Variants in RALGPS1 observed in about 807,000 individuals in gnomAD.
RALGPS1 encodes ras-specific guanine nucleotide-releasing factor RalGPS1.
Under a neutral mutation model 78.8 loss-of-function variants are expected in RALGPS1, and 19 were observed. The ratio of observed to expected loss-of-function variants is 0.24; its 90% CI spans 0.17 to 0.35. The LOEUF is 0.35. Among genes scored for constraint, RALGPS1 ranks in the 10% least tolerant of loss-of-function variants. The probability of loss-of-function intolerance (pLI) is 1.00; values close to 1 mark genes in which losing one functional copy is unlikely to be tolerated. For synonymous variants in RALGPS1, 228 were observed against 256.3 expected (o/e 0.89, Z 1.06); for missense variants, 454 against 688.3 (o/e 0.66, Z 3.81).
rs1588628212 is a variant in RALGPS1, at chr9:127,219,021, C to T, written c.*252C>T. On this transcript the variant is annotated 3_prime_UTR_variant, in exon 19 of 19. Transcript: ENST00000259351. This position sits in a 1 kb window ranked among gnomAD's most constrained non-coding sequence, Gnocchi z 5.0. ...CTTGGGGCAGTGGTCAGACCCCACA[C>T]GCCCTCTCTGGGCCCACCACCTGCA... 3 of 554,738 alleles carry T rather than the reference C, an allele frequency of 5.4e-6. No homozygotes were observed. The highest frequency in any genetic ancestry group is 2.0e-5 in the South Asian group (1 of 50,290). 34.4% of individuals were successfully genotyped at this position (554,738 alleles called of 1,614,324 possible). A position where few individuals can be genotyped will look rare whatever the true frequency, so the allele number is the denominator to read the frequency against.
intron 4 of RALGPS1, among the ~76,000 whole-genome samples, chr9:126,991,863 A>G (rs929533016): frequency 4.6e-5 from 7 of 152,200 alleles, no homozygotes; most frequent in Non-Finnish European, 1.0e-4. Flanking sequence ...CTGGGAAGTA[A>G]TAAGGAGAAA....
At chr9:127,068,197 T>C (rs559723939) in intron 7 of RALGPS1, among the ~76,000 whole-genome samples, 14 of 152,320 alleles carry the variant, frequency 9.2e-5, no homozygotes, top group African/African-American at 3.4e-4. Context: ...CTTCTTTTGA[T>C]TAAAATTACC....
At chr9:127,158,247 G>A (rs952131643) in intron 8 of RALGPS1, among the ~76,000 whole-genome samples, 1 of 151,832 alleles carries the variant, frequency 6.6e-6, no homozygotes. Flanking sequence ...TTAGGTTGGT[G>A]CAAAAGTAAT....
At chr9:127,086,736 T>A (rs115227452) in intron 8 of RALGPS1, among the ~76,000 whole-genome samples, 1 of 152,190 alleles carries the variant, frequency 6.6e-6, no homozygotes, top group African/African-American at 2.4e-5. Context: ...TCTTTTAGTC[T>A]TTTCCTTTAG....
chr9:126,978,686 G>A (rs929263608), intron 4 of RALGPS1, among the ~76,000 whole-genome samples: 1 of 152,032 alleles, frequency 6.6e-6, no homozygotes, highest in Non-Finnish European at 1.5e-5. Flanking sequence ...AGAATTCATG[G>A]GGTGAGTTCA....
At chr9:127,210,974 G>A (rs1029140251) in intron 14 of RALGPS1, among the ~76,000 whole-genome samples, 2 of 152,306 alleles carry the variant, frequency 1.3e-5, no homozygotes, top group East Asian at 1.9e-4. Context: ...TACTTGGTTC[G>A]GGAGATCAGG....
intron 5 of RALGPS1, among the ~76,000 whole-genome samples, chr9:127,044,611 G>A (rs559017461): frequency 1.3e-5 from 2 of 152,224 alleles, no homozygotes; most frequent in South Asian, 4.1e-4. Context: ...CAGGGTACCT[G>A]TGCAGGTTTG....
intron 8 of RALGPS1, among the ~76,000 whole-genome samples, chr9:127,153,469 C>A (rs1462656576): frequency 6.7e-6 from 1 of 148,402 alleles, no homozygotes; most frequent in African/African-American, 2.5e-5. Context: ...TGCCAGGCTG[C>A]ATGCCTCATG....
intron 4 of RALGPS1, among the ~76,000 whole-genome samples, chr9:126,990,756 A>ATTT (rs2042214433): frequency 6.6e-6 from 1 of 152,178 alleles, no homozygotes; most frequent in African/African-American, 2.4e-5. Context: ...GACTTTTAAA[A>ATTT]GTTTGAATTA....
At chr9:127,017,701 TTC>T (rs2044990650) in intron 4 of RALGPS1, among the ~76,000 whole-genome samples, 1 of 152,204 alleles carries the variant, frequency 6.6e-6, no homozygotes, top group South Asian at 2.1e-4. Context: ...CAAAAATATT[TTC>T]TTTTTTAATA....
chr9:127,124,293 C>T (rs540273714), intron 8 of RALGPS1, among the ~76,000 whole-genome samples: 4 of 152,292 alleles, frequency 2.6e-5, no homozygotes, highest in South Asian at 2.1e-4. Context: ...TTTGAAGCCC[C>T]GAGCTAAGCT....
chr9:126,992,783 G>A (rs1312707854), intron 4 of RALGPS1, among the ~76,000 whole-genome samples: 1 of 152,346 alleles, frequency 6.6e-6, no homozygotes, highest in East Asian at 1.9e-4. Context: ...CCAAATATAT[G>A]TAGGGTTTTC....
At chr9:126,940,541 G>A (rs1399745537) in intron 1 of RALGPS1, among the ~76,000 whole-genome samples, 7 of 150,248 alleles carry the variant, frequency 4.7e-5, no homozygotes, top group Admixed American at 3.3e-4. Context: ...CCGGGTTCAC[G>A]CCATTCTCCT....
At chr9:127,083,622 G>A (rs1188372731) in intron 8 of RALGPS1, among the ~76,000 whole-genome samples, 2 of 152,176 alleles carry the variant, frequency 1.3e-5, no homozygotes, top group Non-Finnish European at 2.9e-5. Context: ...GTGTCCTTAT[G>A]TAACCAGCTT....
intron 12 of RALGPS1, 113 bp downstream of exon 12, chr9:127,195,330 A>T: frequency 1.4e-6 from 2 of 1,394,814 alleles, no homozygotes; most frequent in Non-Finnish European, 1.9e-6. Context: ...CTGTTCTGGG[A>T]GTTGCTGATG....
chr9:126,966,005 G>C (rs771135977), intron 3 of RALGPS1, 54 bp downstream of exon 3: 39 of 1,324,290 alleles, frequency 2.9e-5, no homozygotes, highest in Non-Finnish European at 3.9e-5. Flanking sequence ...GGGCACTAGA[G>C]GGAGCCACCA....
intron 5 of RALGPS1, among the ~76,000 whole-genome samples, chr9:127,035,523 T>A (rs1186900339): frequency 6.6e-6 from 1 of 152,176 alleles, no homozygotes; most frequent in Non-Finnish European, 1.5e-5. Flanking sequence ...GCCTAGAGGT[T>A]GCGTAGTATG....
Position 127,048,496 on chromosome 9 carries a change from G to C in RALGPS1, c.301-1547G>C, listed in dbSNP as rs750492348. Among the ~76,000 whole-genome samples the C allele has an allele frequency of 9.9e-5, 15 of 152,242 alleles. No homozygotes were observed. The Middle Eastern group carries it at 0.01, about 104-fold the overall frequency. ...TCACCTCAATTTCAGGAAGGTCTGG[G>C]CTCCCAGTGCCTGGAGCCCACACAC... On this transcript the variant is annotated intron_variant, in intron 5 of 18. Coordinates refer to ENST00000259351, the MANE Select transcript of RALGPS1 (RefSeq NM_014636.3).
chr9:127,175,807 T>G (rs1385866918), intron 11 of RALGPS1, among the ~76,000 whole-genome samples: 1 of 151,850 alleles, frequency 6.6e-6, no homozygotes, highest in African/African-American at 2.4e-5. Flanking sequence ...GTGCCCTGTT[T>G]GTAAGGGGGT....
Sources: gnomAD v4.1 joint callset for allele counts (sites outside exome capture counted in the v4.1 genomes callset) on GRCh38, gnomAD v4.1.1 for gene constraint, Gnocchi (gnomAD v3.1) non-coding constraint, MANE v1.5 for transcripts, NCBI Gene and HGNC (gene_info 2026-07-23, HGNC 2026-07-21) for gene names.